Variants in CCDC171 observed in about 807,000 individuals in gnomAD.
CCDC171 encodes coiled-coil domain containing 171, also known as coiled-coil domain-containing protein 171.
In CCDC171, 177 loss-of-function variants were observed where a neutral mutation model predicts 168.2. The ratio of observed to expected loss-of-function variants is 1.05; its 90% CI spans 0.93 to 1.19. The LOEUF (loss-of-function observed/expected upper bound fraction) is 1.19, where lower values mean the gene tolerates loss of function less well. Among genes scored for constraint, CCDC171 ranks in the 50% most tolerant of loss-of-function variants. The probability of loss-of-function intolerance (pLI) is 0.00; values close to 1 mark genes in which losing one functional copy is unlikely to be tolerated. For missense variants in CCDC171, 1,991 were observed against 1,539.0 expected (o/e 1.29, Z -4.91); for synonymous variants, 687 against 540.8 (o/e 1.27, Z -3.75).
rs76263132 is a variant in CCDC171 at position 15,874,305 on chromosome 9, C to T, written c.3469-227C>T. On this transcript the variant is annotated intron_variant, in intron 23 of 25. Transcript: ENST00000380701. The stretch of plus-strand genomic sequence containing the variant: ...GAAGAGCTCTAGTGACTCTTCTTCC[C>T]CTCCCTCATTTCAAGCAGGAGGATG... Among the ~76,000 whole-genome samples, 34 of 152,012 alleles carry T rather than the reference C, an allele frequency of 2.2e-4. No homozygotes were observed. The South Asian group carries it at 5.2e-3, about 23-fold the overall frequency.
At chr9:15,793,497 C>T (rs985490561) in intron 21 of CCDC171, among the ~76,000 whole-genome samples, 2 of 151,094 alleles carry the variant, frequency 1.3e-5, no homozygotes, top group East Asian at 2.0e-4. Context: ...AACTCTCCAC[C>T]CGAAATCAAC....
At chr9:15,601,522 T>A (rs1017245605) in intron 6 of CCDC171, among the ~76,000 whole-genome samples, 1 of 152,216 alleles carries the variant, frequency 6.6e-6, no homozygotes, top group African/African-American at 2.4e-5. Flanking sequence ...GTTCATTTAC[T>A]CGTTCATTCA....
At position 15,695,334 on chromosome 9, in the gene CCDC171, T is replaced by A. The variant is rs2051133883; in HGVS notation, c.1315T>A (p.Ser439Thr). ...DSFTVSGQWT[S>T]GIHKDKDKPP... ...CTTTACTGTGTCGGGCCAGTGGACA[T>A]CAGGTTAGTTGAAGGTATAAAATGA... The change falls in exon 11 of 26, where the codon TCA becomes ACA. Residue 439 changes from serine to threonine, a missense_variant. Physicochemically the swap from Ser to Thr is moderately conservative, Grantham distance 58. Transcript: ENST00000380701. The A allele has an allele frequency of 6.2e-7, 1 of 1,611,644 alleles. No homozygotes were observed.
chr9:16,085,011 T>C, the CCDC171 span, among the ~76,000 whole-genome samples: 7 of 152,200 alleles, frequency 4.6e-5, no homozygotes, highest in Non-Finnish European at 7.3e-5. Flanking sequence ...TAGTGCCTAC[T>C]TTTGGTAGGT....
chr9:15,575,441 T>C (rs1396452139), intron 3 of CCDC171, among the ~76,000 whole-genome samples: 4 of 152,142 alleles, frequency 2.6e-5, no homozygotes, highest in African/African-American at 4.8e-5. Flanking sequence ...CCCAAAGTGC[T>C]GGGACAACAG....
At chr9:15,990,667 T>C (rs1320435704) in intron 3 of CCDC171, among the ~76,000 whole-genome samples, 1 of 152,182 alleles carries the variant, frequency 6.6e-6, no homozygotes, top group Non-Finnish European at 1.5e-5. Context: ...CAGTGTGCTG[T>C]ATTCAGGACA....
intron 12 of CCDC171, among the ~76,000 whole-genome samples, chr9:15,723,224 C>T (rs1199091084): frequency 2.0e-5 from 3 of 152,098 alleles, no homozygotes; most frequent in Non-Finnish European, 2.9e-5. Flanking sequence ...TGCATGTGAC[C>T]GACCCTGAAG....
At chr9:15,744,993 G>A (rs752569907) in intron 17 of CCDC171, among the ~76,000 whole-genome samples, 1 of 152,094 alleles carries the variant, frequency 6.6e-6, no homozygotes, top group Admixed American at 6.6e-5. Context: ...AAAATATTAG[G>A]TGGCAAATAT....
chr9:15,687,531 A>G (rs1477061060), intron 10 of CCDC171, among the ~76,000 whole-genome samples: 1 of 152,206 alleles, frequency 6.6e-6, no homozygotes, highest in Admixed American at 6.5e-5. Context: ...ATAAACAGTA[A>G]AGACTAACAA....
chr9:15,917,994 C>G (rs1445674231), intron 24 of CCDC171, among the ~76,000 whole-genome samples: 1 of 151,520 alleles, frequency 6.6e-6, no homozygotes, highest in African/African-American at 2.4e-5. Flanking sequence ...CAATGAAATT[C>G]AATAGTTTAC....
chr9:16,021,856 T>C (rs2133022950), intron 4 of CCDC171, among the ~76,000 whole-genome samples: 1 of 152,346 alleles, frequency 6.6e-6, no homozygotes, highest in East Asian at 1.9e-4. Flanking sequence ...CCTGAACCTC[T>C]GAGTGAGGCC....
At chr9:15,558,638 C>G (rs912241058) in intron 1 of CCDC171, among the ~76,000 whole-genome samples, 1 of 152,010 alleles carries the variant, frequency 6.6e-6, no homozygotes, top group African/African-American at 2.4e-5. Context: ...CTTTATTAGT[C>G]TTGCTAGTGG....
At chr9:16,082,979 G>A in the CCDC171 span, among the ~76,000 whole-genome samples, 3 of 152,148 alleles carry the variant, frequency 2.0e-5, no homozygotes, top group Admixed American at 2.0e-4. Context: ...TCCTATTTGT[G>A]ACTAAGTGTG....
chr9:15,850,053 G>A (rs2061061092), intron 23 of CCDC171, among the ~76,000 whole-genome samples: 1 of 151,814 alleles, frequency 6.6e-6, no homozygotes, highest in African/African-American at 2.4e-5. Context: ...TTTAAATATA[G>A]TCACATTAAA....
At chr9:15,886,213 AACTATTTATAAACTGT>A (rs1819371993) in intron 24 of CCDC171, 2 of 152,196 alleles carry the variant, frequency 1.3e-5, no homozygotes, top group African/African-American at 4.8e-5. Context: ...GAATAGGAAA[AACTATTTATAAACTGT>A]ATATCCAGTA....
At chr9:15,625,019 A>G (rs777873522) in intron 7 of CCDC171, among the ~76,000 whole-genome samples, 1 of 152,168 alleles carries the variant, frequency 6.6e-6, no homozygotes, top group Non-Finnish European at 1.5e-5. Context: ...AACTGGTGTT[A>G]AGATGGTATC....
chr9:15,944,204 C>T (rs1238258674), intron 25 of CCDC171, among the ~76,000 whole-genome samples: 1 of 151,920 alleles, frequency 6.6e-6, no homozygotes, highest in Non-Finnish European at 1.5e-5. Context: ...AGTTATTAAA[C>T]CAAAGAGCTG....
chr9:16,080,961 T>G, the CCDC171 span, among the ~76,000 whole-genome samples: 1 of 152,166 alleles, frequency 6.6e-6, no homozygotes, highest in African/African-American at 2.4e-5. Context: ...CTGATAAAGT[T>G]TCATCTGCCT....
Position 15,920,264 on chromosome 9 carries a change from C to A in CCDC171, c.3601-6C>A. 1.3e-6 allele frequency: 2 copies of A among 1,550,502 alleles called. No individual in the cohort carries two copies. Among genetic ancestry groups the A allele is most frequent in the Non-Finnish European group, 1.8e-6 (2 of 1,141,318 alleles). On this transcript the variant is annotated splice_region_variant and splice_polypyrimidine_tract_variant and intron_variant, in intron 24 of 25. Coordinates refer to ENST00000380701, the MANE Select transcript of CCDC171 (RefSeq NM_173550.4). ...ATTATATGTGACATTATTTTTATTT[C>A]TTAAGGCTATGATTAAAAGTTTCAT...
Sources: allele counts gnomAD v4.1 joint callset (sites outside exome capture counted in the v4.1 genomes callset), GRCh38; gene constraint gnomAD v4.1.1; transcripts MANE v1.5; gene names NCBI Gene and HGNC (gene_info 2026-07-23, HGNC 2026-07-21).